MCC: variants seen among roughly 807,000 people sequenced by gnomAD.
MCC encodes MCC regulator of Wnt signaling pathway, also known as colorectal mutant cancer protein.
Under a neutral mutation model 116.2 loss-of-function variants are expected in MCC, and 90 were observed. That is an observed-to-expected ratio of 0.77 (90% CI 0.65 to 0.92). MCC has a LOEUF of 0.92. Among genes scored for constraint, MCC ranks in the 40% least tolerant of loss-of-function variants. The pLI, the probability that MCC is intolerant of heterozygous loss-of-function variation, is 0.00. For missense variants in MCC, 1,516 were observed against 1,312.2 expected (o/e 1.16, Z -2.40); for synonymous variants, 578 against 510.5 (o/e 1.13, Z -1.78).
intron 13 of MCC, among the ~76,000 whole-genome samples, chr5:113,067,649 CA>C (rs1336664445): frequency 3.3e-5 from 5 of 151,830 alleles, no homozygotes; most frequent in South Asian, 2.1e-4. Flanking sequence ...AACAAACAAA[CA>C]AAAAAAACAA....
chr5:113,161,909 C>T (rs1760506632), intron 3 of MCC, among the ~76,000 whole-genome samples: 2 of 152,360 alleles, frequency 1.3e-5, no homozygotes, highest in South Asian at 4.1e-4. Flanking sequence ...GATGCCACGG[C>T]ATGCTCCGTT....
chr5:113,183,260 TGTGTGTGC>T (rs1299983889), intron 3 of MCC, among the ~76,000 whole-genome samples: 5 of 152,166 alleles, frequency 3.3e-5, no homozygotes, highest in Non-Finnish European at 5.9e-5. Flanking sequence ...AAATCTAAGC[TGTGTGTGC>T]GTGTGTGTTT....
At chr5:113,200,550 A>G (rs963002130) in intron 3 of MCC, among the ~76,000 whole-genome samples, 8 of 152,196 alleles carry the variant, frequency 5.3e-5, no homozygotes, top group African/African-American at 1.9e-4. Context: ...ACATTCTCCC[A>G]TATTGAACTT....
intron 3 of MCC, among the ~76,000 whole-genome samples, chr5:113,188,627 A>T (rs1762013410): frequency 6.6e-6 from 1 of 152,236 alleles, no homozygotes; most frequent in Non-Finnish European, 1.5e-5. Flanking sequence ...TGGTATAAAG[A>T]GACCAGCCCA....
intron 2 of MCC, among the ~76,000 whole-genome samples, chr5:113,357,959 C>T (rs1402368221): frequency 6.6e-6 from 1 of 152,148 alleles, no homozygotes; most frequent in Admixed American, 6.5e-5. Flanking sequence ...TCCTTTTGTT[C>T]CTGCCCTAAA....
At chr5:113,171,705 G>A (rs886444815) in intron 3 of MCC, among the ~76,000 whole-genome samples, 2 of 152,054 alleles carry the variant, frequency 1.3e-5, no homozygotes, top group African/African-American at 4.8e-5. Context: ...GTGGCTCTGT[G>A]GCCTGTATCA....
intron 6 of MCC, among the ~76,000 whole-genome samples, chr5:113,115,045 C>G (rs1757317692): frequency 6.6e-6 from 1 of 152,120 alleles, no homozygotes; most frequent in South Asian, 2.1e-4. Context: ...AACAGCAAAG[C>G]AAAAAGAGCA....
intron 1 of MCC, among the ~76,000 whole-genome samples, chr5:113,401,324 A>AT (rs1769681069): frequency 6.6e-6 from 1 of 152,136 alleles, no homozygotes; most frequent in African/African-American, 2.4e-5. Context: ...AATTATGTTT[A>AT]TTTTTTCCAT....
intron 8 of MCC, chr5:113,101,424 A>G (rs950866268): frequency 8.3e-5 from 25 of 299,582 alleles, no homozygotes; most frequent in African/African-American, 5.0e-4. Flanking sequence ...AGTTTATCCT[A>G]AAGAACATTT....
Position 113,027,075 on chromosome 5 carries a change from C to A in MCC, c.*227G>T, listed in dbSNP as rs567804498. The A allele has an allele frequency of 3.7e-6, 2 of 539,102 alleles. No homozygotes were observed. The highest frequency in any genetic ancestry group is 3.8e-5 in the African/African-American group (2 of 52,532). 33.4% of individuals were successfully genotyped at this position (539,102 alleles called of 1,614,324 possible). A position where few individuals can be genotyped will look rare whatever the true frequency, so the allele number is the denominator to read the frequency against. On this transcript the variant is annotated 3_prime_UTR_variant, in exon 19 of 19. Coordinates refer to ENST00000408903, the MANE Select transcript of MCC (RefSeq NM_001085377.2). ...CAGGCACAGAACATGTGTTTACACGCTGTTGTGGGCCCAGGAGGGAAGAGC... is the reference window on the plus strand; with the variant it reads ...CAGGCACAGAACATGTGTTTACACGATGTTGTGGGCCCAGGAGGGAAGAGC...
chr5:113,278,466 C>T (rs1765910483), intron 3 of MCC, among the ~76,000 whole-genome samples: 1 of 152,218 alleles, frequency 6.6e-6, no homozygotes, highest in African/African-American at 2.4e-5. Flanking sequence ...CTACCCAATG[C>T]AACGGGGAAC....
chr5:113,050,600 A>C (rs1752422568), intron 15 of MCC, among the ~76,000 whole-genome samples: 1 of 152,268 alleles, frequency 6.6e-6, no homozygotes, highest in Admixed American at 6.5e-5. Context: ...GCCAGAATGA[A>C]AGGTGTGCCA....
At chr5:113,274,160 C>T (rs1765724473) in intron 3 of MCC, among the ~76,000 whole-genome samples, 1 of 152,196 alleles carries the variant, frequency 6.6e-6, no homozygotes, top group Non-Finnish European at 1.5e-5. Flanking sequence ...AGTACCACTT[C>T]CTGTGATAGC....
At position 113,488,299 on chromosome 5, in the gene MCC, C is replaced by T. The variant is rs762538283; in HGVS notation, c.116G>A (p.Arg39Lys). ...SDTSSTGEEE[R>K]MRRLFQTCDG... The stretch of plus-strand genomic sequence containing the variant: ...GCACGTCTGGAAGAGGCGCCGCATC[C>T]TCTCCTCCTCGCCGGTGCTGGACGT... The change falls in exon 1 of 19, where the codon AGG (arginine) becomes AAG (lysine). Residue 39 changes from arginine (R) to lysine (K), a missense_variant. Transcript: ENST00000408903. The T allele has an allele frequency of 4.4e-6, 7 of 1,594,884 alleles. No individual in the cohort carries two copies. The Admixed American group carries it at 1.2e-4, about 27-fold the overall frequency.
intron 3 of MCC, among the ~76,000 whole-genome samples, chr5:113,220,404 A>G (rs1050232120): frequency 1.3e-5 from 2 of 151,904 alleles, no homozygotes; most frequent in African/African-American, 4.8e-5. Context: ...TTTAATTGAG[A>G]TCTATAGATC....
At chr5:113,338,607 A>G (rs1022319127) in intron 3 of MCC, among the ~76,000 whole-genome samples, 1 of 152,246 alleles carries the variant, frequency 6.6e-6, no homozygotes, top group African/African-American at 2.4e-5. Flanking sequence ...TCTCTGTTTA[A>G]CACTGATTTC....
At chr5:113,465,350 CAT>C (rs1357660125) in intron 1 of MCC, among the ~76,000 whole-genome samples, 1 of 152,042 alleles carries the variant, frequency 6.6e-6, no homozygotes, top group African/African-American at 2.4e-5. Context: ...TGTTTTCTAT[CAT>C]GTGCTAAAAA....
At chr5:113,163,746 C>G (rs1053639600) in intron 3 of MCC, among the ~76,000 whole-genome samples, 5 of 152,158 alleles carry the variant, frequency 3.3e-5, no homozygotes, top group Non-Finnish European at 5.9e-5. Flanking sequence ...CTTCCCACCA[C>G]CACTATGAGA....
At chr5:113,185,412 C>T (rs763530119) in intron 3 of MCC, among the ~76,000 whole-genome samples, 2 of 152,012 alleles carry the variant, frequency 1.3e-5, no homozygotes, top group African/African-American at 2.4e-5. Flanking sequence ...GACTTCCTAA[C>T]AAGGGTCCAC....
Sources: gnomAD v4.1 joint callset for allele counts (sites outside exome capture counted in the v4.1 genomes callset) on GRCh38, gnomAD v4.1.1 for gene constraint, MANE v1.5 for transcripts, NCBI Gene and HGNC (gene_info 2026-07-23, HGNC 2026-07-21) for gene names.